PLPP4: variants seen among roughly 807,000 people sequenced by gnomAD.
PLPP4 encodes phospholipid phosphatase 4, also known as diacylglycerol pyrophosphate like 2.
Under a neutral mutation model 32.2 loss-of-function variants are expected in PLPP4, and 20 were observed. The observed-to-expected ratio is 0.62, with a 90% confidence interval of 0.44 to 0.90. The LOEUF is 0.90. Among genes scored for constraint, PLPP4 ranks in the 40% least tolerant of loss-of-function variants. The pLI is 0.00. For missense variants in PLPP4, 257 were observed against 353.1 expected (o/e 0.73, Z 2.18); for synonymous variants, 127 against 133.0 (o/e 0.95, Z 0.31).
intron 5 of PLPP4, among the ~76,000 whole-genome samples, chr10:120,574,183 C>G (rs1356069441): frequency 3.0e-5 from 3 of 99,682 alleles, no homozygotes; most frequent in Admixed American, 1.1e-4. Context: ...CTCTCTCTCT[C>G]TCTCTCTCTC....
At chr10:120,469,680 T>A (rs923425811) in intron 1 of PLPP4, among the ~76,000 whole-genome samples, 3 of 152,210 alleles carry the variant, frequency 2.0e-5, no homozygotes, top group Non-Finnish European at 4.4e-5. Context: ...AGTATAAGGC[T>A]CCTGGAACCA....
intron 5 of PLPP4, among the ~76,000 whole-genome samples, chr10:120,523,688 T>C (rs140839818): frequency 6.6e-6 from 1 of 152,312 alleles, no homozygotes; most frequent in Non-Finnish European, 1.5e-5. Flanking sequence ...TTCTCCCTCC[T>C]GTCACTTTCT....
intron 1 of PLPP4, among the ~76,000 whole-genome samples, chr10:120,495,816 C>T (rs1340078381): frequency 6.6e-6 from 1 of 152,190 alleles, no homozygotes; most frequent in Non-Finnish European, 1.5e-5. Context: ...TCAGACCCAG[C>T]ATATTCACAT....
At chr10:120,462,772 C>G (rs374339601) in intron 1 of PLPP4, among the ~76,000 whole-genome samples, 2 of 152,108 alleles carry the variant, frequency 1.3e-5, no homozygotes, top group Non-Finnish European at 2.9e-5. Flanking sequence ...AACAGGGGCT[C>G]CTTCCATCCG....
In PLPP4 at chr10:120,512,710, G is replaced by A. The variant is rs964151067; in HGVS notation, c.166-1201G>A. On this transcript the variant is annotated intron_variant, in intron 2 of 6. Transcript: ENST00000398250. Reference sequence around the variant, plus strand: ...CACCTGTAGTCCCAGCTACTCAGGAGGCTGAGGCAGGAGAATTGCTTGAAC... The same window carrying A: ...CACCTGTAGTCCCAGCTACTCAGGAAGCTGAGGCAGGAGAATTGCTTGAAC... Among the ~76,000 whole-genome samples the A allele has an allele frequency of 5.9e-5, 9 of 152,308 alleles. No individual in the cohort carries two copies. In the South Asian group the frequency reaches 1.9e-3, roughly 32 times the overall value.
chr10:120,520,014 C>T (rs960833355), intron 4 of PLPP4, among the ~76,000 whole-genome samples: 1 of 152,150 alleles, frequency 6.6e-6, no homozygotes, highest in African/African-American at 2.4e-5. Flanking sequence ...CAATGAAGAG[C>T]CTTCATTTTT....
At chr10:120,509,552 C>G (rs1314933329) in intron 2 of PLPP4, among the ~76,000 whole-genome samples, 5 of 152,102 alleles carry the variant, frequency 3.3e-5, no homozygotes, top group African/African-American at 1.2e-4. Context: ...TCAGTTTCCC[C>G]ATCTGTAAAC....
chr10:120,503,484 T>C (rs1442177932), intron 1 of PLPP4: 7 of 1,516,490 alleles, frequency 4.6e-6, no homozygotes, highest in African/African-American at 1.4e-5. Flanking sequence ...GAGACCATGC[T>C]GCTGCCCTGG....
At chr10:120,500,489 C>G (rs1845191763) in intron 1 of PLPP4, among the ~76,000 whole-genome samples, 1 of 152,178 alleles carries the variant, frequency 6.6e-6, no homozygotes, top group African/African-American at 2.4e-5. Flanking sequence ...TTTCCCCTCC[C>G]TGGAATCTAG....
intron 1 of PLPP4, among the ~76,000 whole-genome samples, chr10:120,459,452 C>G (rs929819747): frequency 1.3e-5 from 2 of 152,214 alleles, no homozygotes; most frequent in African/African-American, 4.8e-5. Flanking sequence ...CATGCAGAAA[C>G]AGATGACCCT....
Position 120,589,679 on chromosome 10 carries a change from A to G in PLPP4, c.*177A>G, listed in dbSNP as rs1333324959. On this transcript the variant is annotated 3_prime_UTR_variant, in exon 7 of 7. Transcript: ENST00000398250. The stretch of plus-strand genomic sequence containing the variant: ...GCTACTTTAAATGTCTACTTCCAAC[A>G]TCCTTGAATTTGCAAGTGAAGGACA... The G allele has an allele frequency of 1.7e-6, 1 of 588,754 alleles. No individual in the cohort carries two copies. Among genetic ancestry groups the G allele is most frequent in the Non-Finnish European group, 2.9e-6 (1 of 339,260 alleles). The allele number at this position is 588,754 out of a possible 1,614,324, so 36.5% of individuals were successfully genotyped here. A position where few individuals can be genotyped will look rare whatever the true frequency, so the allele number is the denominator to read the frequency against.
chr10:120,566,249 T>A (rs2134026333), intron 5 of PLPP4, among the ~76,000 whole-genome samples: 1 of 152,326 alleles, frequency 6.6e-6, no homozygotes, highest in African/African-American at 2.4e-5. Flanking sequence ...TCTGGGCTTT[T>A]AATTTTTCCT....
chr10:120,469,503 A>G (rs1351457700), intron 1 of PLPP4, among the ~76,000 whole-genome samples: 2 of 152,302 alleles, frequency 1.3e-5, no homozygotes, highest in East Asian at 3.9e-4. Context: ...CTGGGATTAC[A>G]GGCATGACAC....
At position 120,544,564 on chromosome 10, in the gene PLPP4, C is replaced by T. The variant is rs182553816; in HGVS notation, c.445+23469C>T. Among the ~76,000 whole-genome samples, 147 of 152,302 alleles carry T rather than the reference C, an allele frequency of 9.7e-4. 1 individual carries two copies. Among genetic ancestry groups the T allele is most frequent in the African/African-American group, 3.1e-3 (129 of 41,562 alleles). ...CCTCCCATACACAGACTCTCCTGCT[C>T]CCCGGGCCTCACTCTTCCCTCTTCC... On this transcript the variant is annotated intron_variant, in intron 5 of 6. Transcript: ENST00000398250.
chr10:120,509,311 A>C (rs143384937), intron 2 of PLPP4, among the ~76,000 whole-genome samples: 141 of 152,340 alleles, frequency 9.3e-4, no homozygotes, highest in African/African-American at 3.2e-3. Context: ...TCAAGGACAA[A>C]GAATGGATAA....
chr10:120,477,831 A>G (rs1844007198), intron 1 of PLPP4, among the ~76,000 whole-genome samples: 2 of 152,184 alleles, frequency 1.3e-5, no homozygotes, highest in African/African-American at 2.4e-5. Flanking sequence ...TTCAGATCAC[A>G]CTTCTGCCTA....
At chr10:120,474,327 C>A (rs900110728) in intron 1 of PLPP4, among the ~76,000 whole-genome samples, 7 of 152,096 alleles carry the variant, frequency 4.6e-5, no homozygotes, top group Admixed American at 2.0e-4. Flanking sequence ...TTTTATGGTT[C>A]TCTGAGTTAT....
intron 5 of PLPP4, among the ~76,000 whole-genome samples, chr10:120,573,561 C>G (rs1483795645): frequency 6.6e-6 from 1 of 152,158 alleles, no homozygotes; most frequent in Non-Finnish European, 1.5e-5. Flanking sequence ...TTCATGGTTG[C>G]ATCATAGTCC....
intron 5 of PLPP4, among the ~76,000 whole-genome samples, chr10:120,541,885 T>C (rs6585635): frequency 1 from 151,332 of 152,052 alleles, 75,313 homozygotes; most frequent in Middle Eastern, 1. Flanking sequence ...AGCAATTCTC[T>C]TGCCTCAGCC....
Sources: allele counts gnomAD v4.1 joint callset (sites outside exome capture counted in the v4.1 genomes callset), GRCh38; gene constraint gnomAD v4.1.1; transcripts MANE v1.5; gene names NCBI Gene and HGNC (gene_info 2026-07-23, HGNC 2026-07-21).